IQCM: variants seen among roughly 807,000 people sequenced by gnomAD.
The protein encoded by IQCM is IQ domain-containing protein M.
A neutral mutation model predicts 57.6 loss-of-function variants in IQCM; 45 were observed. The observed-to-expected ratio is 0.78, with a 90% CI of 0.62 to 1.00. The LOEUF (loss-of-function observed/expected upper bound fraction) is 1.00, where lower values mean the gene tolerates loss of function less well. IQCM is among the 50% of genes least tolerant of loss of function. IQCM has a pLI of 0.00. For missense variants in IQCM, 468 were observed against 511.6 expected (o/e 0.91, Z 0.82); for synonymous variants, 148 against 158.9 (o/e 0.93, Z 0.51).
At chr4:149,648,803 C>T (rs886976455) in intron 7 of IQCM, among the ~76,000 whole-genome samples, 4 of 151,594 alleles carry the variant, frequency 2.6e-5, no homozygotes, top group Non-Finnish European at 4.4e-5. Context: ...ATGTAAATGA[C>T]GAGTTAATGG....
intron 13 of IQCM, among the ~76,000 whole-genome samples, chr4:149,398,044 T>C (rs997491904): frequency 7.2e-5 from 11 of 152,018 alleles, no homozygotes; most frequent in Non-Finnish European, 8.8e-5. Context: ...AAGTTTACAG[T>C]TTTAGGTCTT....
intron 12 of IQCM, among the ~76,000 whole-genome samples, chr4:149,464,767 G>A (rs1738669253): frequency 6.6e-6 from 1 of 152,028 alleles, no homozygotes. Context: ...CACTCAATTT[G>A]GTAGCCACTA....
chr4:149,515,614 C>T (rs1167047476), intron 12 of IQCM, among the ~76,000 whole-genome samples: 3 of 152,198 alleles, frequency 2.0e-5, no homozygotes, highest in African/African-American at 7.2e-5. Flanking sequence ...TGCAGCACTA[C>T]AGCCCCTTTC....
At chr4:149,810,210 C>A (rs977258408) in intron 2 of IQCM, among the ~76,000 whole-genome samples, 5 of 151,610 alleles carry the variant, frequency 3.3e-5, no homozygotes, top group African/African-American at 4.8e-5. Context: ...CATGATGAAA[C>A]CCATCATGGG....
chr4:149,638,135 T>G (rs1298635886), intron 7 of IQCM, among the ~76,000 whole-genome samples: 2 of 152,052 alleles, frequency 1.3e-5, no homozygotes, highest in Non-Finnish European at 2.9e-5. Flanking sequence ...CACAGATTAT[T>G]CACAATAGAA....
At chr4:149,363,253 TG>T (rs1486957564) in intron 13 of IQCM, among the ~76,000 whole-genome samples, 1 of 152,136 alleles carries the variant, frequency 6.6e-6, no homozygotes, top group Non-Finnish European at 1.5e-5. Flanking sequence ...CAGGTGTCAG[TG>T]GCAACAGCAG....
rs939419118 is a variant in IQCM, at chr4:149,688,484, T to C, written c.386-2016A>G. On this transcript the variant is annotated intron_variant, in intron 5 of 13. Coordinates refer to ENST00000636793, the MANE Select transcript of IQCM (RefSeq NM_001363507.2). ...CAAAAAATGGAAACACATGCCATGC[T>C]CATGGATGGGTAGAATCAATATTGT... 4.6e-5 allele frequency among the ~76,000 whole-genome samples: 7 copies of C among 152,186 alleles called. No individual in the cohort carries two copies. In the East Asian group the frequency reaches 1.4e-3, roughly 29 times the overall value.
chr4:149,386,814 C>T (rs1346858631), intron 13 of IQCM, among the ~76,000 whole-genome samples: 1 of 151,822 alleles, frequency 6.6e-6, no homozygotes, highest in Admixed American at 6.6e-5. Flanking sequence ...CTGTTTGATC[C>T]TCTGTGGTTT....
At chr4:149,354,613 A>G (rs1472198507) in intron 13 of IQCM, among the ~76,000 whole-genome samples, 1 of 151,982 alleles carries the variant, frequency 6.6e-6, no homozygotes, top group Non-Finnish European at 1.5e-5. Flanking sequence ...TCATCAAGCA[A>G]GAGATACTTA....
chr4:149,782,832 T>A lies in IQCM; in HGVS notation c.-49+32479A>T, dbSNP rs181647343. Among the ~76,000 whole-genome samples, 155 of 152,248 alleles carry A rather than the reference T, an allele frequency of 1.0e-3. 1 individual carries two copies. Among genetic ancestry groups the A allele is most frequent in the Non-Finnish European group, 7.1e-4 (48 of 68,016 alleles). ...GATTTTATGATAATCATGTGAAACA[T>A]TTTTCTCACTTGGCTCCTAGGATTC... On this transcript the variant is annotated intron_variant, in intron 2 of 13. Transcript: ENST00000636793.
chr4:149,546,416 A>G (rs1190250231), intron 12 of IQCM, among the ~76,000 whole-genome samples: 1 of 152,134 alleles, frequency 6.6e-6, no homozygotes, highest in African/African-American at 2.4e-5. Flanking sequence ...CAATGGTTGA[A>G]CTAGTTTACA....
intron 12 of IQCM, among the ~76,000 whole-genome samples, chr4:149,492,215 A>C (rs774265014): frequency 3.9e-5 from 6 of 152,004 alleles, no homozygotes; most frequent in Non-Finnish European, 5.9e-5. Context: ...TTCTCTTTAC[A>C]GTGACTGCAG....
intron 7 of IQCM, among the ~76,000 whole-genome samples, chr4:149,634,394 C>A (rs1216570886): frequency 6.6e-6 from 1 of 152,326 alleles, no homozygotes; most frequent in South Asian, 2.1e-4. Context: ...GAACAGAACA[C>A]ATCCCATTGC....
chr4:149,468,192 G>A (rs903760701), intron 12 of IQCM, among the ~76,000 whole-genome samples: 1 of 152,172 alleles, frequency 6.6e-6, no homozygotes, highest in African/African-American at 2.4e-5. Flanking sequence ...CCTCACCCAG[G>A]AAGCACAAGG....
chr4:149,713,213 C>T (rs555218328), intron 5 of IQCM, among the ~76,000 whole-genome samples: 1 of 151,546 alleles, frequency 6.6e-6, no homozygotes, highest in African/African-American at 2.4e-5. Context: ...AACGCTGGAC[C>T]CCCTACCAGG....
intron 2 of IQCM, among the ~76,000 whole-genome samples, chr4:149,799,280 A>G (rs574198000): frequency 6.6e-6 from 1 of 152,002 alleles, no homozygotes; most frequent in East Asian, 1.9e-4. Flanking sequence ...AGGAAATTGA[A>G]AAAGGTCTTG....
chr4:149,627,522 C>T (rs2150085946), intron 7 of IQCM, among the ~76,000 whole-genome samples: 1 of 152,278 alleles, frequency 6.6e-6, no homozygotes, highest in East Asian at 1.9e-4. Flanking sequence ...CATTACCTGA[C>T]CTATGCTGCA....
intron 12 of IQCM, among the ~76,000 whole-genome samples, chr4:149,456,959 A>G (rs888796814): frequency 3.9e-5 from 6 of 152,046 alleles, no homozygotes; most frequent in Non-Finnish European, 5.9e-5. Flanking sequence ...GATTGCATCA[A>G]TTACCAAGAT....
At chr4:149,368,649 T>TA (rs1730011377) in intron 13 of IQCM, among the ~76,000 whole-genome samples, 1 of 150,068 alleles carries the variant, frequency 6.7e-6, no homozygotes, top group Non-Finnish European at 1.5e-5. Flanking sequence ...AAATTCCTCA[T>TA]CATATTTCTT....
Sources: allele counts gnomAD v4.1 joint callset (sites outside exome capture counted in the v4.1 genomes callset), GRCh38; gene constraint gnomAD v4.1.1; transcripts MANE v1.5; gene names NCBI Gene and HGNC (gene_info 2026-07-23, HGNC 2026-07-21).